Variants in ACSS3 observed in about 807,000 individuals in gnomAD.
The protein encoded by ACSS3 is acyl-CoA synthetase short chain family member 3.
Under a neutral mutation model 84.2 loss-of-function variants are expected in ACSS3, and 64 were observed. The ratio of observed to expected loss-of-function variants is 0.76; its 90% CI spans 0.62 to 0.94. The LOEUF (loss-of-function observed/expected upper bound fraction) is 0.94. Ranked by LOEUF, ACSS3 falls within the 40% of genes least tolerant of loss-of-function variation. ACSS3 has a pLI of 0.00. For missense variants in ACSS3, 815 were observed against 867.6 expected (o/e 0.94, Z 0.76); for synonymous variants, 317 against 310.1 (o/e 1.02, Z -0.23).
chr12:81,159,057 A>AT (rs1175817134), intron 7 of ACSS3, among the ~76,000 whole-genome samples: 1 of 152,242 alleles, frequency 6.6e-6, no homozygotes, highest in Admixed American at 6.5e-5. Flanking sequence ...ATACGTAAAG[A>AT]TTTTTTCTAT....
At chr12:81,088,993 C>T (rs1881497146) in intron 1 of ACSS3, among the ~76,000 whole-genome samples, 1 of 151,850 alleles carries the variant, frequency 6.6e-6, no homozygotes, top group Non-Finnish European at 1.5e-5. Flanking sequence ...GAGTTGACAG[C>T]TTCTTTAGAA....
chr12:81,229,336 C>G lies in ACSS3; in HGVS notation c.1515-1721C>G, dbSNP rs549160942. Among the ~76,000 whole-genome samples, 40 of 151,906 alleles carry G rather than the reference C, an allele frequency of 2.6e-4. 1 individual carries two copies. Among genetic ancestry groups the G allele is most frequent in the African/African-American group, 9.4e-4 (39 of 41,506 alleles). On this transcript the variant is annotated intron_variant, in intron 11 of 15. Transcript: ENST00000548058. The stretch of plus-strand genomic sequence containing the variant: ...AATTTGCTTCACTCACTAATGTTAT[C>G]TCTCTTTGTCCATATTGACATGTGA...
At position 81,152,029 on chromosome 12, in the gene ACSS3, G is replaced by T; in HGVS notation, c.1031G>T (p.Trp344Leu). ...TGGTGGGCAGCTTCTGACTTAGGCTGGGTTGTTGGACATTCCTATATCTGC... is the reference window on the plus strand; with the variant it reads ...TGGTGGGCAGCTTCTGACTTAGGCTTGGTTGTTGGACATTCCTATATCTGC... ...EVWWAASDLGWVVGHSYICYG... is the reference protein window; with the variant it reads ...EVWWAASDLGLVVGHSYICYG... The change falls in exon 7 of 16, where the codon TGG becomes TTG. Residue 344 changes from tryptophan to leucine, a missense_variant. Trp to Leu is a moderately conservative substitution (Grantham distance 61). Coordinates refer to ENST00000548058, the MANE Select transcript of ACSS3 (RefSeq NM_024560.4). 1 of 1,613,474 alleles carries T rather than the reference G, an allele frequency of 6.2e-7. No homozygotes were observed.
chr12:81,138,803 T>C (rs1885938409), intron 3 of ACSS3, among the ~76,000 whole-genome samples: 2 of 152,122 alleles, frequency 1.3e-5, no homozygotes, highest in Admixed American at 1.3e-4. Flanking sequence ...CCTTTGCAAG[T>C]AAGGGGCCTC....
At chr12:81,232,103 C>A (rs1426731614) in intron 12 of ACSS3, among the ~76,000 whole-genome samples, 2 of 151,778 alleles carry the variant, frequency 1.3e-5, no homozygotes, top group Admixed American at 6.6e-5. Flanking sequence ...TAAACATCCC[C>A]TGATAGAGTG....
intron 1 of ACSS3, among the ~76,000 whole-genome samples, chr12:81,084,314 A>C (rs1396080304): frequency 6.6e-6 from 1 of 152,216 alleles, no homozygotes; most frequent in African/African-American, 2.4e-5. Context: ...AACATGGAGT[A>C]ATGAGAACAT....
chr12:81,090,494 TA>T (rs77702044), intron 1 of ACSS3, among the ~76,000 whole-genome samples: 9,822 of 151,986 alleles, frequency 0.065, 789 homozygotes, highest in African/African-American at 0.19. Context: ...GAACTGACAT[TA>T]AAAACTTCAC....
intron 1 of ACSS3, among the ~76,000 whole-genome samples, chr12:81,088,708 G>A (rs1254459412): frequency 1.3e-5 from 2 of 151,988 alleles, no homozygotes; most frequent in African/African-American, 2.4e-5. Flanking sequence ...GCTGAATTTA[G>A]CATCTGTGCT....
intron 1 of ACSS3, among the ~76,000 whole-genome samples, chr12:81,103,861 G>A (rs1208082907): frequency 6.6e-6 from 1 of 152,174 alleles, no homozygotes; most frequent in African/African-American, 2.4e-5. Context: ...GTTTGGTTCT[G>A]TAATCAGACT....
chr12:81,152,850 A>T (rs1053897691), intron 7 of ACSS3, among the ~76,000 whole-genome samples: 4 of 152,114 alleles, frequency 2.6e-5, no homozygotes, highest in African/African-American at 9.7e-5. Context: ...TATTTAAATT[A>T]AAAAATACAG....
In ACSS3 at chr12:81,152,196, C is replaced by T. The variant is rs568338818; in HGVS notation, c.1098+100C>T. On this transcript the variant is annotated intron_variant, in intron 7 of 15. Coordinates refer to ENST00000548058, the MANE Select transcript of ACSS3 (RefSeq NM_024560.4). ...AGGATCAGAAAAATTGGGGTGGGGACAGGGGACATTATTATATCTTCTTCC... is the reference window on the plus strand; with the variant it reads ...AGGATCAGAAAAATTGGGGTGGGGATAGGGGACATTATTATATCTTCTTCC... The T allele has an allele frequency of 4.7e-6, 4 of 845,852 alleles. No homozygotes were observed. In the Admixed American group the frequency reaches 1.1e-4, roughly 22 times the overall value. The allele number at this position is 845,852 out of a possible 1,614,324, so 52.4% of individuals were successfully genotyped here.
At chr12:81,083,957 CA>C (rs1268251426) in intron 1 of ACSS3, among the ~76,000 whole-genome samples, 2 of 151,734 alleles carry the variant, frequency 1.3e-5, no homozygotes, top group Non-Finnish European at 2.9e-5. Context: ...GACTCTGTCT[CA>C]AAAAAACAAA....
At position 81,092,822 on chromosome 12, in the gene ACSS3, T is replaced by C. The variant is rs1881756202; in HGVS notation, c.311+14391T>C. On this transcript the variant is annotated intron_variant, in intron 1 of 15. Coordinates refer to ENST00000548058, the MANE Select transcript of ACSS3 (RefSeq NM_024560.4). Reference sequence around the variant, plus strand: ...AATGTGGTTGGAGATAGTGGGGTAATTGACAAAAATATAATAAAGATGTAC... The same window carrying C: ...AATGTGGTTGGAGATAGTGGGGTAACTGACAAAAATATAATAAAGATGTAC... Among the ~76,000 whole-genome samples the C allele has an allele frequency of 2.6e-5, 4 of 152,184 alleles. No homozygotes were observed. In the South Asian group the frequency reaches 8.3e-4, roughly 31 times the overall value.
At chr12:81,083,253 C>T (rs1881098876) in intron 1 of ACSS3, among the ~76,000 whole-genome samples, 1 of 152,206 alleles carries the variant, frequency 6.6e-6, no homozygotes, top group Non-Finnish European at 1.5e-5. Flanking sequence ...TGAAAGCCTG[C>T]AGGTAGGCTT....
intron 5 of ACSS3, among the ~76,000 whole-genome samples, chr12:81,143,872 T>A (rs1593122688): frequency 6.6e-6 from 1 of 152,220 alleles, no homozygotes; most frequent in Non-Finnish European, 1.5e-5. Context: ...TATTCATTGA[T>A]GCGTCAAATA....
intron 7 of ACSS3, among the ~76,000 whole-genome samples, chr12:81,164,168 T>C (rs1448848799): frequency 6.6e-6 from 1 of 152,176 alleles, no homozygotes; most frequent in African/African-American, 2.4e-5. Flanking sequence ...TTATACCATA[T>C]TTTTACTGTT....
rs2034257623 is a variant in ACSS3, at chr12:81,254,951, G to GATT, written c.*30_*32dup. The GATT allele has an allele frequency of 6.7e-7, 1 of 1,495,302 alleles. No individual in the cohort carries two copies. Among genetic ancestry groups the GATT allele is most frequent in the Non-Finnish European group, 9.1e-7 (1 of 1,104,446 alleles). 92.6% of individuals were successfully genotyped at this position (1,495,302 alleles called of 1,614,324 possible). A position where few individuals can be genotyped will look rare whatever the true frequency, so the allele number is the denominator to read the frequency against. ...GTTTGTCTTATTCCTATTTTGAGTT[G>GATT]ATTTAATTTCTTAATTGAAATTAAA... On this transcript the variant is annotated 3_prime_UTR_variant, in exon 16 of 16. Coordinates refer to ENST00000548058, the MANE Select transcript of ACSS3 (RefSeq NM_024560.4).
intron 13 of ACSS3, among the ~76,000 whole-genome samples, chr12:81,245,277 CAG>C (rs2033946461): frequency 2.0e-5 from 3 of 152,056 alleles, no homozygotes; most frequent in Non-Finnish European, 2.9e-5. Flanking sequence ...CTGGCTAACA[CAG>C]TGAAACCCCG....
intron 4 of ACSS3, among the ~76,000 whole-genome samples, chr12:81,139,775 A>G (rs376879457): frequency 5.9e-5 from 9 of 151,686 alleles, no homozygotes; most frequent in South Asian, 4.2e-4. Context: ...AGCTGGGACT[A>G]CAGGTGCCTG....
Sources: allele counts gnomAD v4.1 joint callset (sites outside exome capture counted in the v4.1 genomes callset), GRCh38; gene constraint gnomAD v4.1.1; transcripts MANE v1.5; gene names NCBI Gene and HGNC (gene_info 2026-07-23, HGNC 2026-07-21).